The following HMHB1 variants were observed in gnomAD, a reference collection of about 807,000 sequenced individuals.
HMHB1 encodes minor histocompatibility protein HB-1.
In HMHB1, 4 loss-of-function variants were observed where a neutral mutation model predicts 2.4. The observed-to-expected ratio is 1.65, with a 90% CI of 0.81 to 3.77. The LOEUF is 3.77. HMHB1 is among the 30% of genes most tolerant of loss of function. The pLI, the probability that HMHB1 is intolerant of heterozygous loss-of-function variation, is 0.01. For missense variants in HMHB1, 57 were observed against 44.2 expected (o/e 1.29, Z -0.82); for synonymous variants, 22 against 17.6 (o/e 1.25, Z -0.63).
rs1418965141 is a variant in HMHB1, at chr5:143,812,210, C to T, written c.-58C>T. 6.6e-7 allele frequency: 1 copy of T among 1,513,970 alleles called. No homozygotes were observed. The allele number at this position is 1,513,970 out of a possible 1,614,324, so 93.8% of individuals were successfully genotyped here. A position where few individuals can be genotyped will look rare whatever the true frequency, so the allele number is the denominator to read the frequency against. On this transcript the variant is annotated 5_prime_UTR_variant, in exon 1 of 2. Transcript: ENST00000289448. ...CTTGCCCCGCATCTCAGAAGCCGGG[C>T]AGGCCCTGAGCCTTCTGACCTCACA...
chr5:143,820,662 T>C lies in HMHB1; in HGVS notation c.*94T>C. The C allele has an allele frequency of 1.3e-6, 1 of 783,590 alleles. No homozygotes were observed. Among genetic ancestry groups the C allele is most frequent in the South Asian group, 1.5e-5 (1 of 68,880 alleles). The allele number at this position is 783,590 out of a possible 1,614,324, so 48.5% of individuals were successfully genotyped here. A position where few individuals can be genotyped will look rare whatever the true frequency, so the allele number is the denominator to read the frequency against. On this transcript the variant is annotated 3_prime_UTR_variant, in exon 2 of 2. Coordinates refer to ENST00000289448, the MANE Select transcript of HMHB1 (RefSeq NM_021182.3). ...ATGAAGAAGAGTAAAATTAAGCAAG[T>C]GGAACATATGCCCTTTGCCTCTGCT... is the stretch of plus-strand genomic sequence containing the variant.
intron 1 of HMHB1, among the ~76,000 whole-genome samples, chr5:143,814,570 C>A (rs917435888): frequency 1.3e-5 from 2 of 152,170 alleles, no homozygotes; most frequent in African/African-American, 4.8e-5. Context: ...CACTTCCCAG[C>A]ACAACATCTC....
intron 1 of HMHB1, 51 bp downstream of exon 1, chr5:143,812,355 A>G: frequency 4.0e-6 from 6 of 1,502,834 alleles, no homozygotes; most frequent in Non-Finnish European, 5.4e-6. Flanking sequence ...AGAGGCAGCG[A>G]AGGGGCAGAG....
chr5:143,812,453 G>A lies in HMHB1; in HGVS notation c.37+149G>A, dbSNP rs372666869. ...GGAAGGCAGGGGAGAGGAGTGAGAC[G>A]GCCCTTGTTGCTGGGATTATTTAGG... On this transcript the variant is annotated intron_variant, in intron 1 of 1. Transcript: ENST00000289448. The A allele has an allele frequency of 4.8e-5, 35 of 735,340 alleles. No individual in the cohort carries two copies. The East Asian group carries it at 5.2e-4, about 11-fold the overall frequency. 45.6% of individuals were successfully genotyped at this position (735,340 alleles called of 1,614,324 possible).
chr5:143,812,970 T>TTTG (rs1238898109), intron 1 of HMHB1, among the ~76,000 whole-genome samples: 1 of 151,878 alleles, frequency 6.6e-6, no homozygotes, highest in African/African-American at 2.4e-5. Context: ...TGTTTGTTTG[T>TTTG]TTTTTTGTCT....
Position 143,820,610 on chromosome 5 carries a change from T to G in HMHB1, c.*42T>G, listed in dbSNP as rs774337544. On this transcript the variant is annotated 3_prime_UTR_variant, in exon 2 of 2. Transcript: ENST00000289448. Reference sequence around the variant, plus strand: ...TGACTCGAAGCCCAGAGTTTTGGTGTGGATGAGCAGGGACAAATTGCTGAG... The same window carrying G: ...TGACTCGAAGCCCAGAGTTTTGGTGGGGATGAGCAGGGACAAATTGCTGAG... The G allele has an allele frequency of 7.6e-7, 1 of 1,317,652 alleles. No homozygotes were observed. The highest frequency in any genetic ancestry group is 1.1e-6 in the Non-Finnish European group (1 of 911,990). 81.6% of individuals were successfully genotyped at this position (1,317,652 alleles called of 1,614,324 possible).
chr5:143,819,146 A>T (rs1214417610), intron 1 of HMHB1, among the ~76,000 whole-genome samples: 1 of 152,200 alleles, frequency 6.6e-6, no homozygotes, highest in African/African-American at 2.4e-5. Context: ...TAGGAATTAC[A>T]CAATTCTTGA....
chr5:143,815,811 A>G (rs957572481), intron 1 of HMHB1, among the ~76,000 whole-genome samples: 3 of 149,330 alleles, frequency 2.0e-5, no homozygotes, highest in African/African-American at 7.5e-5. Flanking sequence ...GGTTCACGCC[A>G]TTCTCCTGCC....
chr5:143,819,994 C>T (rs888487175), intron 1 of HMHB1, among the ~76,000 whole-genome samples: 49 of 152,192 alleles, frequency 3.2e-4, no homozygotes, highest in African/African-American at 1.0e-3. Flanking sequence ...TAATGTTTTT[C>T]TGCTATTCAA....
intron 1 of HMHB1, among the ~76,000 whole-genome samples, chr5:143,818,796 G>T (rs115466476): frequency 5.9e-5 from 9 of 151,420 alleles, no homozygotes; most frequent in South Asian, 4.2e-4. Context: ...TTCTTCCCTG[G>T]CTCCTACCCC....
At chr5:143,818,407 T>A (rs979624802) in intron 1 of HMHB1, among the ~76,000 whole-genome samples, 6 of 152,184 alleles carry the variant, frequency 3.9e-5, no homozygotes, top group African/African-American at 4.8e-5. Flanking sequence ...GAAACACTGT[T>A]CTAAATAATT....
In HMHB1 at chr5:143,820,683, C is replaced by A; in HGVS notation, c.*115C>A. On this transcript the variant is annotated 3_prime_UTR_variant, in exon 2 of 2. Transcript: ENST00000289448. ...CAAGTGGAACATATGCCCTTTGCCT[C>A]TGCTCTGCACAGTGAAATGAAAAGT... is the stretch of plus-strand genomic sequence containing the variant. 1 of 619,938 alleles carries A rather than the reference C, an allele frequency of 1.6e-6. No individual in the cohort carries two copies. Among genetic ancestry groups the A allele is most frequent in the Non-Finnish European group, 2.9e-6 (1 of 339,722 alleles). 38.4% of individuals were successfully genotyped at this position (619,938 alleles called of 1,614,324 possible). A position where few individuals can be genotyped will look rare whatever the true frequency, so the allele number is the denominator to read the frequency against.
At chr5:143,818,763 ATT>A (rs372966254) in intron 1 of HMHB1, among the ~76,000 whole-genome samples, 5 of 149,934 alleles carry the variant, frequency 3.3e-5, no homozygotes, top group African/African-American at 1.2e-4. Context: ...AGTACTTGCT[ATT>A]TTTTTTTTCT....
chr5:143,818,906 G>A (rs1361422723), intron 1 of HMHB1, among the ~76,000 whole-genome samples: 3 of 152,118 alleles, frequency 2.0e-5, no homozygotes, highest in Non-Finnish European at 4.4e-5. Context: ...GCAAAAGAGG[G>A]GAGGTCTGGT....
chr5:143,818,913 T>C (rs1429159678), intron 1 of HMHB1, among the ~76,000 whole-genome samples: 4 of 152,208 alleles, frequency 2.6e-5, no homozygotes, highest in Admixed American at 6.5e-5. Flanking sequence ...AGGGGAGGTC[T>C]GGTACAAGGA....
At chr5:143,819,327 G>A (rs904674852) in intron 1 of HMHB1, among the ~76,000 whole-genome samples, 1 of 152,170 alleles carries the variant, frequency 6.6e-6, no homozygotes, top group African/African-American at 2.4e-5. Flanking sequence ...ATTGTAAGAT[G>A]GGCAGAGAAC....
intron 1 of HMHB1, among the ~76,000 whole-genome samples, chr5:143,815,821 C>T (rs990271778): frequency 6.6e-6 from 1 of 150,602 alleles, no homozygotes; most frequent in Non-Finnish European, 1.5e-5. Flanking sequence ...ATTCTCCTGC[C>T]TCAGCCTCCC....
In HMHB1 at chr5:143,818,193, G is replaced by A. The variant is rs567667154; in HGVS notation, c.38-2287G>A. Among the ~76,000 whole-genome samples the A allele has an allele frequency of 3.3e-5, 5 of 152,300 alleles. No individual in the cohort carries two copies. The East Asian group carries it at 7.7e-4, about 23-fold the overall frequency. ...TTATTCCAATAGGCATAGTAAAAGAGGAAACAGAAGCATAACAAAGTGGTA... is the reference window on the plus strand; with the variant it reads ...TTATTCCAATAGGCATAGTAAAAGAAGAAACAGAAGCATAACAAAGTGGTA... On this transcript the variant is annotated intron_variant, in intron 1 of 1. Coordinates refer to ENST00000289448, the MANE Select transcript of HMHB1 (RefSeq NM_021182.3).
At chr5:143,815,615 C>T (rs1759738820) in intron 1 of HMHB1, among the ~76,000 whole-genome samples, 2 of 151,612 alleles carry the variant, frequency 1.3e-5, no homozygotes, top group African/African-American at 4.8e-5. Flanking sequence ...GCAACCTCCA[C>T]ATTTCGGGTT....
Sources: gnomAD v4.1 joint callset for allele counts (sites outside exome capture counted in the v4.1 genomes callset) on GRCh38, gnomAD v4.1.1 for gene constraint, MANE v1.5 for transcripts, NCBI Gene and HGNC (gene_info 2026-07-23, HGNC 2026-07-21) for gene names.